ATP13A2: variants seen among roughly 807,000 people sequenced by gnomAD.
ATP13A2 encodes the protein ATPase cation transporting 13A2, also known as polyamine-transporting ATPase 13A2.
Under a neutral mutation model 138.3 loss-of-function variants are expected in ATP13A2, and 83 were observed. The ratio of observed to expected loss-of-function variants is 0.60; its 90% CI spans 0.50 to 0.72. The LOEUF (loss-of-function observed/expected upper bound fraction) is 0.72. ATP13A2 is among the 30% of genes least tolerant of loss of function. The probability of loss-of-function intolerance (pLI) is 0.00; values close to 1 mark genes in which losing one functional copy is unlikely to be tolerated. For missense variants in ATP13A2, 1,402 were observed against 1,606.4 expected, an observed-to-expected ratio of 0.87 and a Z score of 2.17; for synonymous variants, 663 against 699.0, an observed-to-expected ratio of 0.95 and a Z score of 0.81.
At position 17,009,366 on chromosome 1, in the gene ATP13A2, G is replaced by A. The variant is rs1014917897; in HGVS notation, c.10+2363C>T. On this transcript the variant is annotated intron_variant, in intron 1 of 28. Coordinates refer to ENST00000326735, the MANE Select transcript of ATP13A2 (RefSeq NM_022089.4). ...GAAGGCAAAGGTGCTGGGAGTTGGG[G>A]GGAGGGGCTTGAGCCTCTTCCTTTT... Among the ~76,000 whole-genome samples, 16 of 151,740 alleles carry A rather than the reference G, an allele frequency of 1.1e-4. 1 individual carries two copies. Among genetic ancestry groups the A allele is most frequent in the Admixed American group, 9.2e-4 (14 of 15,184 alleles).
chr1:17,000,351 G>T, intron 9 of ATP13A2, 39 bp from the exon 10 acceptor site: 3 of 1,588,176 alleles, frequency 1.9e-6, no homozygotes, highest in Admixed American at 1.8e-5. Flanking sequence ...GTGGGTGGGG[G>T]CCCCTGGGGA....
At chr1:17,007,888 C>A (rs2077623292) in intron 1 of ATP13A2, among the ~76,000 whole-genome samples, 1 of 151,416 alleles carries the variant, frequency 6.6e-6, no homozygotes, top group African/African-American at 2.4e-5. Context: ...GTCCAGAGTG[C>A]CCCAGGCAGC....
Position 17,004,948 on chromosome 1 carries a change from G to T in ATP13A2, c.347+66C>A. On this transcript the variant is annotated intron_variant, in intron 4 of 28. Transcript: ENST00000326735. The surrounding 1 kb of genome is among the most constrained non-coding windows in gnomAD (Gnocchi z 4.1). ...AGTCAGCCTTTATGGGGGGGCCGAG[G>T]GTTGGGGAAGTTGGGGAGGCCAGGG... The T allele has an allele frequency of 1.2e-6, 2 of 1,612,088 alleles. No homozygotes were observed. The highest frequency in any genetic ancestry group is 1.7e-6 in the Non-Finnish European group (2 of 1,179,400).
intron 16 of ATP13A2, among the ~76,000 whole-genome samples, chr1:16,993,071 C>T (rs559649034): frequency 1.4e-4 from 22 of 152,248 alleles, no homozygotes; most frequent in South Asian, 8.3e-4. Context: ...CATGTTCCAC[C>T]GCACTTGGCT....
At chr1:16,993,586 C>T in intron 16 of ATP13A2, 43 bp downstream of exon 16, 1 of 1,541,264 alleles carries the variant, frequency 6.5e-7, no homozygotes, top group Non-Finnish European at 8.8e-7. Flanking sequence ...TCGTTAGGCC[C>T]CACTGCCCAG....
At position 16,986,944 on chromosome 1, in the gene ATP13A2, C is replaced by T. The variant is rs772117418; in HGVS notation, c.3096G>A (p.Leu1032=). 3 of 1,613,026 alleles carry T rather than the reference C, an allele frequency of 1.9e-6. No homozygotes were observed. The highest frequency in any genetic ancestry group is 2.7e-5 in the African/African-American group (2 of 74,494). Residue 1032 remains leucine (L), a synonymous_variant, in exon 27 of 29, where the codon CTG becomes CTA. Coordinates refer to ENST00000326735, the MANE Select transcript of ATP13A2 (RefSeq NM_022089.4). This position sits in a 1 kb window ranked among gnomAD's most constrained non-coding sequence, Gnocchi z 6.9. ...LTLAQPWFVP[L]NRTVAAPDNL... is the part of the protein sequence containing the mutation. ...TGTCTGGTGCGGCCACTGTCCTGTT[C>T]AGAGGCACGAACCTGGGGGTACAGG... is the stretch of plus-strand genomic sequence containing the variant.
chr1:16,992,709 G>A (rs1281872759), intron 16 of ATP13A2, 128 bp from the exon 17 acceptor site: 23 of 922,468 alleles, frequency 2.5e-5, no homozygotes, highest in Middle Eastern at 2.4e-4. Context: ...TTTGGAGCCC[G>A]GTGGACTCAA....
intron 15 of ATP13A2, among the ~76,000 whole-genome samples, chr1:16,994,174 C>T (rs72899428): frequency 0.042 from 5,965 of 142,374 alleles, 348 homozygotes; most frequent in African/African-American, 0.14. Context: ...ACCCGGCCCA[C>T]GGTTGGCTCG....
intron 23 of ATP13A2, 101 bp from the exon 24 acceptor site, chr1:16,988,575 G>A (rs757323451): frequency 1.3e-5 from 19 of 1,440,364 alleles, no homozygotes; most frequent in Non-Finnish European, 1.9e-5. Flanking sequence ...ATGCCACATG[G>A]TGCCTGGTGT....
chr1:17,008,937 C>T, intron 1 of ATP13A2, among the ~76,000 whole-genome samples: 1 of 144,374 alleles, frequency 6.9e-6, no homozygotes. Context: ...GCACTCCAGC[C>T]AGGGTGACAG....
rs200816691 is a variant in ATP13A2, at chr1:17,005,530, T to C, written c.132A>G (p.Pro44=). Residue 44 remains proline (P), a synonymous_variant, in exon 3 of 29, where the codon CCA becomes CCG. Coordinates refer to ENST00000326735, the MANE Select transcript of ATP13A2 (RefSeq NM_022089.4). ...CGACGTGATAGCCGATGACCCTCCATGGACTGCCACAGTAGCCGCTGAGCC... is the reference window on the plus strand; with the variant it reads ...CGACGTGATAGCCGATGACCCTCCACGGACTGCCACAGTAGCCGCTGAGCC... ...SVRLSGYCGS[P]WRVIGYHVVV... is the part of the protein sequence containing the mutation. The C allele has an allele frequency of 5.9e-3, 9,569 of 1,614,116 alleles. 39 individuals carry two copies. The highest frequency in any genetic ancestry group is 6.7e-3 in the Non-Finnish European group (7,872 of 1,180,022).
At chr1:16,999,918 G>A (rs532279403) in intron 11 of ATP13A2, 93 bp downstream of exon 11, 2 of 1,455,552 alleles carry the variant, frequency 1.4e-6, no homozygotes, top group Admixed American at 5.4e-5. Context: ...AACAAAAAAG[G>A]AAAAGGAAAC....
At chr1:16,988,051 C>T (rs946859806) in intron 25 of ATP13A2, 87 bp downstream of exon 25, 5 of 1,240,272 alleles carry the variant, frequency 4.0e-6, no homozygotes, top group African/African-American at 1.5e-5. Flanking sequence ...GTCATCTATT[C>T]TGGGACCTGC....
chr1:16,988,265 C>T, intron 24 of ATP13A2, 31 bp from the exon 25 acceptor site: 2 of 1,614,170 alleles, frequency 1.2e-6, no homozygotes, highest in Non-Finnish European at 1.7e-6. Context: ...ATTAGGGGAC[C>T]CAGGTTGGCT....
At position 16,988,219 on chromosome 1, in the gene ATP13A2, G is replaced by GGAACA. The variant is rs2076803374; in HGVS notation, c.2773_2777dup (p.Leu927ValfsTer18). ...TGAAGACGCTGAACGAAGTGTCAAG[G>GGAACA]GAACAGCGCCCCTCCCTGGGTGGCA... On this transcript the variant is annotated frameshift_variant, in exon 25 of 29. Transcript: ENST00000326735. LOFTEE classifies it high-confidence loss of function. 6.2e-7 allele frequency: 1 copy of GGAACA among 1,614,090 alleles called. No individual in the cohort carries two copies. Among genetic ancestry groups the GGAACA allele is most frequent in the Non-Finnish European group, 8.5e-7 (1 of 1,180,042 alleles).
rs372819032 is a variant in ATP13A2, at chr1:16,993,691, G to A, written c.1687C>T (p.Arg563Trp). 1.2e-5 allele frequency: 19 copies of A among 1,596,658 alleles called. No individual in the cohort carries two copies. The highest frequency in any genetic ancestry group is 4.5e-5 in the East Asian group (2 of 44,284). Residue 563 changes from arginine (R) to tryptophan (W), a missense_variant, in exon 16 of 29, where the codon CGG (arginine) becomes TGG (tryptophan). Transcript: ENST00000326735. ...RALATCHALS[R>W]LQDTPVGDPM... ...TCGCCCACGGGGGTGTCCTGGAGCC[G>A]GCTGAGGGCATGGCAGGTGGCCAGT...
chr1:16,992,437 G>T (rs759667077), intron 17 of ATP13A2, 35 bp from the exon 18 acceptor site: 1 of 1,613,520 alleles, frequency 6.2e-7, no homozygotes, highest in South Asian at 1.1e-5. Flanking sequence ...GGTGCTGGCT[G>T]GGGAGCCCAC....
intron 8 of ATP13A2, 49 bp from the exon 9 acceptor site, chr1:17,000,583 C>T: frequency 6.3e-7 from 1 of 1,595,970 alleles, no homozygotes; most frequent in South Asian, 1.1e-5. Context: ...CCCAGGGCAG[C>T]CCAGCCACAG....
intron 20 of ATP13A2, among the ~76,000 whole-genome samples, chr1:16,990,615 C>T (rs149774565): frequency 6.6e-5 from 10 of 151,452 alleles, no homozygotes; most frequent in African/African-American, 2.4e-4. Context: ...TCCTCCTGGG[C>T]TCAAGCAATT....
Sources: allele counts gnomAD v4.1 joint callset (sites outside exome capture counted in the v4.1 genomes callset), GRCh38; gene constraint gnomAD v4.1.1; non-coding constraint Gnocchi (gnomAD v3.1); transcripts MANE v1.5; gene names NCBI Gene and HGNC (gene_info 2026-07-23, HGNC 2026-07-21).